Variants in AKAP7 observed in about 807,000 individuals in gnomAD.
AKAP7 encodes A kinase (PRKA) anchor protein 7.
Under a neutral mutation model 39.5 loss-of-function variants are expected in AKAP7, and 39 were observed. The ratio of observed to expected loss-of-function variants is 0.99; its 90% CI spans 0.76 to 1.29. The LOEUF (loss-of-function observed/expected upper bound fraction) is 1.29, where lower values mean the gene tolerates loss of function less well. Ranked by LOEUF, AKAP7 falls within the 50% of genes most tolerant of loss-of-function variation. The pLI, the probability that AKAP7 is intolerant of heterozygous loss-of-function variation, is 0.00. For missense variants in AKAP7, 414 were observed against 407.7 expected (o/e 1.02, Z -0.13); for synonymous variants, 140 against 139.1 (o/e 1.01, Z -0.05).
rs891278589 is a variant in AKAP7 at position 131,281,525 on chromosome 6, T to C, written c.851-5T>C. On this transcript the variant is annotated splice_region_variant and splice_polypyrimidine_tract_variant and intron_variant, in intron 7 of 7. Transcript: ENST00000431975. The surrounding 1 kb of genome is among the most constrained non-coding windows in gnomAD (Gnocchi z 4.0). ...GTGACCTCTCTTCTCTATTGTGGAATGTAGGTGAAAAGAACGGAGGGGAGC... is the reference window on the plus strand; with the variant it reads ...GTGACCTCTCTTCTCTATTGTGGAACGTAGGTGAAAAGAACGGAGGGGAGC... 3 of 1,599,642 alleles carry C rather than the reference T, an allele frequency of 1.9e-6. No individual in the cohort carries two copies. The highest frequency in any genetic ancestry group is 1.1e-5 in the South Asian group (1 of 88,870).
chr6:131,160,723 T>C (rs1802862057), intron 3 of AKAP7, among the ~76,000 whole-genome samples: 1 of 152,252 alleles, frequency 6.6e-6, no homozygotes. Flanking sequence ...TTTATTATAG[T>C]GATTATTTCA....
intron 1 of AKAP7, among the ~76,000 whole-genome samples, chr6:131,144,203 T>TC (rs1225715552): frequency 2.7e-5 from 4 of 149,426 alleles, no homozygotes; most frequent in Non-Finnish European, 5.9e-5. Context: ...CTCAATTTTT[T>TC]CCCCACCCTT....
chr6:131,258,138 G>A (rs535050088), intron 7 of AKAP7, among the ~76,000 whole-genome samples: 7 of 152,318 alleles, frequency 4.6e-5, no homozygotes, highest in African/African-American at 1.7e-4. Flanking sequence ...GTAGCCTTAA[G>A]TCAGAGCTGC....
intron 7 of AKAP7, among the ~76,000 whole-genome samples, chr6:131,263,896 A>T (rs770997207): frequency 2.6e-5 from 4 of 152,208 alleles, no homozygotes; most frequent in Non-Finnish European, 4.4e-5. Context: ...CTTGGCAATG[A>T]GAACCACAAT....
At chr6:131,239,453 T>C in intron 7 of AKAP7, among the ~76,000 whole-genome samples, 1 of 152,226 alleles carries the variant, frequency 6.6e-6, no homozygotes, top group Admixed American at 6.5e-5. Flanking sequence ...AATATTTGCT[T>C]GCCTTGCTAG....
At chr6:131,154,521 TA>T in intron 2 of AKAP7, among the ~76,000 whole-genome samples, 1 of 150,076 alleles carries the variant, frequency 6.7e-6, no homozygotes. Context: ...TTGAAGCATA[TA>T]TTAGAGAAAA....
At chr6:131,224,803 T>G (rs1018577247) in intron 7 of AKAP7, among the ~76,000 whole-genome samples, 1 of 145,244 alleles carries the variant, frequency 6.9e-6, no homozygotes, top group African/African-American at 2.5e-5. Context: ...ATGCAATGGC[T>G]TAATTTTGGC....
chr6:131,162,881 T>C (rs9388887), intron 3 of AKAP7, among the ~76,000 whole-genome samples: 1 of 152,340 alleles, frequency 6.6e-6, no homozygotes, highest in East Asian at 1.9e-4. Flanking sequence ...CAGCTTTCTG[T>C]ATGCCATTTG....
chr6:131,171,529 C>T (rs779137262), intron 5 of AKAP7, among the ~76,000 whole-genome samples: 4 of 151,966 alleles, frequency 2.6e-5, no homozygotes, highest in Admixed American at 2.0e-4. Context: ...AAATGAGATT[C>T]GTATGCTAAA....
At chr6:131,142,654 G>T (rs1217170448) in intron 1 of AKAP7, among the ~76,000 whole-genome samples, 2 of 152,204 alleles carry the variant, frequency 1.3e-5, no homozygotes, top group African/African-American at 4.8e-5. Flanking sequence ...TGGGATTGGA[G>T]CCCCCACCCA....
intron 5 of AKAP7, among the ~76,000 whole-genome samples, chr6:131,173,649 G>A (rs1804298430): frequency 6.6e-6 from 1 of 152,126 alleles, no homozygotes; most frequent in African/African-American, 2.4e-5. Context: ...ATTGTTCTGA[G>A]GGCAAATCAT....
intron 7 of AKAP7, among the ~76,000 whole-genome samples, chr6:131,269,118 C>T (rs556547600): frequency 7.2e-5 from 11 of 152,174 alleles, no homozygotes; most frequent in Admixed American, 4.6e-4. Flanking sequence ...GCTGGAGTAT[C>T]GTGGCCTGAT....
At chr6:131,239,954 C>T (rs1365675902) in intron 7 of AKAP7, among the ~76,000 whole-genome samples, 1 of 152,226 alleles carries the variant, frequency 6.6e-6, no homozygotes, top group East Asian at 1.9e-4. Flanking sequence ...TGGTGAGGAG[C>T]TGCGTTCCTT....
chr6:131,250,053 GT>G, intron 7 of AKAP7: 1 of 528,034 alleles, frequency 1.9e-6, no homozygotes, highest in Non-Finnish European at 2.4e-6. Context: ...GCTATGTTGG[GT>G]TTTCTATTCA....
rs144186694 is a variant in AKAP7, at chr6:131,269,891, C to T, written c.851-11639C>T. Among the ~76,000 whole-genome samples the T allele has an allele frequency of 2.4e-3, 361 of 152,272 alleles. 2 individuals are homozygous for T. The highest frequency in any genetic ancestry group is 8.0e-3 in the African/African-American group (331 of 41,568). On this transcript the variant is annotated intron_variant, in intron 7 of 7. Coordinates refer to ENST00000431975, the MANE Select transcript of AKAP7 (RefSeq NM_016377.4). ...GCAACTGAGAATCTGAGGCCTGCAG[C>T]TGTGAGAGATTACAGATATTACAGT...
intron 7 of AKAP7, among the ~76,000 whole-genome samples, chr6:131,222,160 C>T (rs1177583194): frequency 6.6e-6 from 1 of 152,052 alleles, no homozygotes; most frequent in Non-Finnish European, 1.5e-5. Context: ...AAGTTGATTC[C>T]AGCCCTCATG....
chr6:131,274,318 T>G (rs951629333), intron 7 of AKAP7, among the ~76,000 whole-genome samples: 1 of 152,134 alleles, frequency 6.6e-6, no homozygotes, highest in African/African-American at 2.4e-5. Context: ...TTCAAACACT[T>G]TTGGCCATTA....
intron 7 of AKAP7, among the ~76,000 whole-genome samples, chr6:131,232,126 G>C (rs1401007642): frequency 6.6e-6 from 1 of 152,048 alleles, no homozygotes; most frequent in Non-Finnish European, 1.5e-5. Flanking sequence ...ACCGTCTGTT[G>C]GTTTCAAACC....
In AKAP7 at chr6:131,278,181, G is replaced by A. The variant is rs117878569; in HGVS notation, c.851-3349G>A. Among the ~76,000 whole-genome samples the A allele has an allele frequency of 6.2e-3, 947 of 152,232 alleles. 7 individuals are homozygous for A. The highest frequency in any genetic ancestry group is 0.011 in the Non-Finnish European group (726 of 68,006). ...TAATTGGTGTCCTATGTTAGCAGAG[G>A]GAGAGAACTGAGAAGCCGAGGATAT... is the stretch of plus-strand genomic sequence containing the variant. On this transcript the variant is annotated intron_variant, in intron 7 of 7. Coordinates refer to ENST00000431975, the MANE Select transcript of AKAP7 (RefSeq NM_016377.4).
Sources: allele counts gnomAD v4.1 joint callset (sites outside exome capture counted in the v4.1 genomes callset), GRCh38; gene constraint gnomAD v4.1.1; non-coding constraint Gnocchi (gnomAD v3.1); transcripts MANE v1.5; gene names NCBI Gene and HGNC (gene_info 2026-07-23, HGNC 2026-07-21).